The following PACS1 variants were observed in gnomAD, a reference collection of about 807,000 sequenced individuals.
PACS1 encodes the protein phosphofurin acidic cluster sorting protein 1, also known as PACS-1.
In PACS1, 24 loss-of-function variants were observed where a neutral mutation model predicts 115.0. The observed-to-expected ratio is 0.21, with a 90% CI of 0.15 to 0.29. The LOEUF (loss-of-function observed/expected upper bound fraction) is 0.29. PACS1 is among the 10% of genes least tolerant of loss of function. PACS1 has a pLI of 1.00. For synonymous variants in PACS1, 453 were observed against 504.5 expected, an observed-to-expected ratio of 0.90 and a Z score of 1.37; for missense variants, 838 against 1,251.2, an observed-to-expected ratio of 0.67 and a Z score of 4.98.
intron 1 of PACS1, among the ~76,000 whole-genome samples, chr11:66,103,592 C>A (rs1465239861): frequency 6.7e-6 from 1 of 148,606 alleles, no homozygotes; most frequent in East Asian, 2.0e-4. Flanking sequence ...CTCACTGCAG[C>A]CTCCACCTCC....
At chr11:66,075,207 T>C (rs1857375146) in intron 1 of PACS1, among the ~76,000 whole-genome samples, 1 of 152,196 alleles carries the variant, frequency 6.6e-6, no homozygotes, top group Admixed American at 6.5e-5. Flanking sequence ...CCTTCCAAAG[T>C]GCTGGGATTA....
intron 1 of PACS1, among the ~76,000 whole-genome samples, chr11:66,077,394 CA>C (rs771507610): frequency 8.6e-4 from 131 of 152,256 alleles, no homozygotes; most frequent in Non-Finnish European, 1.5e-3. Flanking sequence ...AACCCCTCTC[CA>C]CAAAAAATAA....
intron 1 of PACS1, among the ~76,000 whole-genome samples, chr11:66,169,938 A>G (rs1431803506): frequency 6.6e-6 from 1 of 150,558 alleles, no homozygotes; most frequent in Non-Finnish European, 1.5e-5. Context: ...GCCTGTGAAG[A>G]TAATCTGGAC....
chr11:66,073,271 C>A (rs1857342267), intron 1 of PACS1, among the ~76,000 whole-genome samples: 1 of 152,222 alleles, frequency 6.6e-6, no homozygotes, highest in Admixed American at 6.5e-5. Context: ...AATTTGAGGT[C>A]TCCTGGGTGT....
chr11:66,224,467 G>A (rs1237501864), intron 10 of PACS1, among the ~76,000 whole-genome samples: 1 of 152,194 alleles, frequency 6.6e-6, no homozygotes, highest in Non-Finnish European at 1.5e-5. Flanking sequence ...GGGTGTGCCT[G>A]ATTGACTTAC....
intron 1 of PACS1, among the ~76,000 whole-genome samples, chr11:66,076,982 A>G (rs1857410579): frequency 6.6e-6 from 1 of 152,208 alleles, no homozygotes; most frequent in Non-Finnish European, 1.5e-5. Context: ...AAGCACTGAC[A>G]GGGTCTTCTT....
chr11:66,071,091 C>T (rs1857301827), intron 1 of PACS1, among the ~76,000 whole-genome samples: 1 of 152,208 alleles, frequency 6.6e-6, no homozygotes. Context: ...GCCTCGGCCC[C>T]GGGCTTTCTC....
Position 66,122,831 on chromosome 11 carries a change from G to T in PACS1, c.356+51989G>T, listed in dbSNP as rs970348588. Among the ~76,000 whole-genome samples the T allele has an allele frequency of 3.3e-5, 5 of 152,308 alleles. No homozygotes were observed. The East Asian group carries it at 9.6e-4, about 29-fold the overall frequency. On this transcript the variant is annotated intron_variant, in intron 1 of 23. Coordinates refer to ENST00000320580, the MANE Select transcript of PACS1 (RefSeq NM_018026.4). ...TTTCTTGAGATGGGACCTACTCCTG[G>T]TAAAGATGCTGTGAACACTGTTGAA...
intron 1 of PACS1, among the ~76,000 whole-genome samples, chr11:66,106,716 A>G (rs1367578841): frequency 6.6e-6 from 1 of 152,100 alleles, no homozygotes; most frequent in Non-Finnish European, 1.5e-5. Context: ...GGATCACACC[A>G]CTGCACTGCA....
Position 66,236,857 on chromosome 11 carries a change from G to A in PACS1, c.2250+917G>A, listed in dbSNP as rs952712912. Among the ~76,000 whole-genome samples, 11 of 152,196 alleles carry A rather than the reference G, an allele frequency of 7.2e-5. No individual in the cohort carries two copies. The highest frequency in any genetic ancestry group is 3.9e-4 in the Admixed American group (6 of 15,296). On this transcript the variant is annotated intron_variant, in intron 19 of 23. Coordinates refer to ENST00000320580, the MANE Select transcript of PACS1 (RefSeq NM_018026.4). The surrounding 1 kb of genome is among the most constrained non-coding windows in gnomAD (Gnocchi z 4.2). ...GCTCACTGCAACCTCTGCCTCCTGGGTTCAAGTGATCCTCCTGCCTCAGCC... is the reference window on the plus strand; with the variant it reads ...GCTCACTGCAACCTCTGCCTCCTGGATTCAAGTGATCCTCCTGCCTCAGCC...
chr11:66,186,227 G>T (rs1262782990), intron 1 of PACS1, among the ~76,000 whole-genome samples: 1 of 151,504 alleles, frequency 6.6e-6, no homozygotes, highest in Non-Finnish European at 1.5e-5. Flanking sequence ...AGTGAGCTTT[G>T]ATCATGCCAT....
At chr11:66,117,890 T>G (rs1166408648) in intron 1 of PACS1, among the ~76,000 whole-genome samples, 1 of 152,196 alleles carries the variant, frequency 6.6e-6, no homozygotes, top group East Asian at 1.9e-4. Context: ...CTTTGATGCT[T>G]TATGTGATAA....
intron 1 of PACS1, among the ~76,000 whole-genome samples, chr11:66,188,324 CTTG>C (rs776353737): frequency 5.5e-4 from 84 of 152,084 alleles, no homozygotes; most frequent in Non-Finnish European, 8.7e-4. Flanking sequence ...TTGTACCTGT[CTTG>C]TTGTGGTGTG....
At chr11:66,174,856 A>T (rs1859817267) in intron 1 of PACS1, among the ~76,000 whole-genome samples, 1 of 152,184 alleles carries the variant, frequency 6.6e-6, no homozygotes, top group Non-Finnish European at 1.5e-5. Context: ...TACGTTTAAA[A>T]TAGGTGAATT....
chr11:66,132,176 A>G (rs1244351135), intron 1 of PACS1, among the ~76,000 whole-genome samples: 5 of 152,164 alleles, frequency 3.3e-5, no homozygotes, highest in African/African-American at 1.2e-4. Flanking sequence ...GGTTTCTTCC[A>G]TGCTGTTCTT....
At chr11:66,107,772 T>C (rs1356919565) in intron 1 of PACS1, among the ~76,000 whole-genome samples, 1 of 152,188 alleles carries the variant, frequency 6.6e-6, no homozygotes, top group East Asian at 1.9e-4. Flanking sequence ...AGGAAGTGTT[T>C]TGAGTACTAA....
intron 1 of PACS1, among the ~76,000 whole-genome samples, chr11:66,120,009 C>T (rs905994188): frequency 2.2e-4 from 34 of 152,130 alleles, no homozygotes; most frequent in African/African-American, 8.0e-4. Flanking sequence ...TATCTAAATG[C>T]TGTGTGCCTT....
chr11:66,167,407 C>T (rs1167785394), intron 1 of PACS1, among the ~76,000 whole-genome samples: 1 of 141,156 alleles, frequency 7.1e-6, no homozygotes, highest in Non-Finnish European at 1.5e-5. Flanking sequence ...TAGCTCACTG[C>T]AACCTCGAAC....
At chr11:66,219,175 C>T (rs980710465) in intron 7 of PACS1, among the ~76,000 whole-genome samples, 1 of 151,816 alleles carries the variant, frequency 6.6e-6, no homozygotes, top group Non-Finnish European at 1.5e-5. Context: ...TTGCTATGAT[C>T]CCAGAGAGGC....
Sources: allele counts gnomAD v4.1 joint callset (sites outside exome capture counted in the v4.1 genomes callset), GRCh38; gene constraint gnomAD v4.1.1; non-coding constraint Gnocchi (gnomAD v3.1); transcripts MANE v1.5; gene names NCBI Gene and HGNC (gene_info 2026-07-23, HGNC 2026-07-21).